The following EPB41L4B variants were observed in gnomAD, a reference collection of about 807,000 sequenced individuals.
The protein encoded by EPB41L4B is erythrocyte membrane protein band 4.1 like 4B, also known as band 4.1-like protein 4B.
In EPB41L4B, 30 loss-of-function variants were observed where a neutral mutation model predicts 112.5. The observed-to-expected ratio is 0.27, with a 90% CI of 0.20 to 0.36. The LOEUF (loss-of-function observed/expected upper bound fraction) is 0.36, where lower values mean the gene tolerates loss of function less well. Ranked by LOEUF, EPB41L4B falls within the 10% of genes least tolerant of loss-of-function variation. EPB41L4B has a pLI of 1.00. For missense variants in EPB41L4B, 1,024 were observed against 1,133.3 expected, an observed-to-expected ratio of 0.90 and a Z score of 1.38; for synonymous variants, 408 against 439.7, an observed-to-expected ratio of 0.93 and a Z score of 0.90.
Position 109,239,900 on chromosome 9 carries a change from C to A in EPB41L4B, c.1409+3718G>T. 3 of 985,514 alleles carry A rather than the reference C, an allele frequency of 3.0e-6. No individual in the cohort carries two copies. The South Asian group carries it at 1.4e-4, about 46-fold the overall frequency. 61.0% of individuals were successfully genotyped at this position (985,514 alleles called of 1,614,324 possible). On this transcript the variant is annotated intron_variant, in intron 15 of 25. Transcript: ENST00000374566. ...GAAATCCCACTGCCACCACTTCTCT[C>A]TACTCAGCACCTGTGACAGGCAGGA...
intron 12 of EPB41L4B, among the ~76,000 whole-genome samples, chr9:109,251,939 G>A (rs774477437): frequency 8.5e-5 from 13 of 152,252 alleles, no homozygotes; most frequent in Admixed American, 2.6e-4. Flanking sequence ...TGGGAATGAG[G>A]TACAGCTTAG....
intron 6 of EPB41L4B, among the ~76,000 whole-genome samples, chr9:109,261,690 T>C (rs1835208927): frequency 6.6e-6 from 1 of 152,234 alleles, no homozygotes; most frequent in African/African-American, 2.4e-5. Context: ...TCAAAACTCA[T>C]AGCTAGAAAT....
intron 1 of EPB41L4B, among the ~76,000 whole-genome samples, chr9:109,288,546 C>T (rs1836389849): frequency 6.6e-6 from 1 of 151,778 alleles, no homozygotes; most frequent in Admixed American, 6.6e-5. Flanking sequence ...CGGTGAAACC[C>T]TGTTTCTACT....
intron 2 of EPB41L4B, among the ~76,000 whole-genome samples, chr9:109,278,175 T>C (rs1835907512): frequency 6.6e-6 from 1 of 152,086 alleles, no homozygotes; most frequent in Non-Finnish European, 1.5e-5. Flanking sequence ...TGTTCTGCCC[T>C]TCTCCCGGGT....
chr9:109,255,974 T>C, intron 9 of EPB41L4B, 131 bp from the exon 10 acceptor site: 1 of 1,214,982 alleles, frequency 8.2e-7, no homozygotes, highest in Non-Finnish European at 1.1e-6. Context: ...AGTGTGATTA[T>C]CCAGAAGTTT....
At position 109,321,027 on chromosome 9, in the gene EPB41L4B, G is replaced by A; in HGVS notation, c.-581C>T. ...ACCTCCAGCCGCCGCCGCCGCCGCC[G>A]CCGCCGCTGCCGCCGGGACTGCAGC... On this transcript the variant is annotated 5_prime_UTR_variant, in exon 1 of 26. Coordinates refer to ENST00000374566, the MANE Select transcript of EPB41L4B (RefSeq NM_019114.5). 2 of 188,976 alleles carry A rather than the reference G, an allele frequency of 1.1e-5. No homozygotes were observed. Among genetic ancestry groups the A allele is most frequent in the Non-Finnish European group, 2.1e-5 (2 of 94,062 alleles). 11.7% of individuals were successfully genotyped at this position (188,976 alleles called of 1,614,324 possible).
At chr9:109,179,999 C>T (rs1831995119) in intron 24 of EPB41L4B, among the ~76,000 whole-genome samples, 2 of 152,132 alleles carry the variant, frequency 1.3e-5, no homozygotes, top group Non-Finnish European at 1.5e-5. Flanking sequence ...TCCTGTTGCT[C>T]GTAGGATGGA....
chr9:109,215,182 CT>C (rs1462478286), intron 16 of EPB41L4B, among the ~76,000 whole-genome samples: 1 of 152,236 alleles, frequency 6.6e-6, no homozygotes, highest in East Asian at 1.9e-4. Context: ...TCAATACCCT[CT>C]ACCCTATTTC....
chr9:109,298,460 C>T (rs1432734298), intron 1 of EPB41L4B, among the ~76,000 whole-genome samples: 1 of 151,964 alleles, frequency 6.6e-6, no homozygotes, highest in Non-Finnish European at 1.5e-5. Flanking sequence ...ATTACAGGCG[C>T]CTGCCACCAC....
At chr9:109,316,541 T>C (rs1194995005) in intron 1 of EPB41L4B, among the ~76,000 whole-genome samples, 1 of 152,162 alleles carries the variant, frequency 6.6e-6, no homozygotes, top group African/African-American at 2.4e-5. Context: ...TGCCCTGCTC[T>C]GACCAGACCA....
intron 15 of EPB41L4B, among the ~76,000 whole-genome samples, chr9:109,238,121 C>G (rs1416509073): frequency 1.3e-5 from 2 of 152,158 alleles, no homozygotes; most frequent in East Asian, 3.8e-4. Context: ...CTATGAAAAA[C>G]AGGATACTAC....
chr9:109,289,149 T>C (rs1836425156), intron 1 of EPB41L4B, among the ~76,000 whole-genome samples: 1 of 152,162 alleles, frequency 6.6e-6, no homozygotes, highest in Non-Finnish European at 1.5e-5. Context: ...CTCAGCCTGG[T>C]GTCAGGGACT....
intron 13 of EPB41L4B, among the ~76,000 whole-genome samples, chr9:109,249,901 G>A (rs1186281266): frequency 6.6e-6 from 1 of 152,162 alleles, no homozygotes; most frequent in Non-Finnish European, 1.5e-5. Flanking sequence ...GCAGAATGAC[G>A]CTGAAAGTAG....
intron 5 of EPB41L4B, among the ~76,000 whole-genome samples, chr9:109,264,286 T>C (rs1270820394): frequency 6.6e-6 from 1 of 152,250 alleles, no homozygotes; most frequent in Non-Finnish European, 1.5e-5. Flanking sequence ...TCAGAACGTA[T>C]TCTTTTCAAT....
At chr9:109,310,611 A>G (rs1410619191) in intron 1 of EPB41L4B, among the ~76,000 whole-genome samples, 1 of 152,224 alleles carries the variant, frequency 6.6e-6, no homozygotes. Flanking sequence ...CACACCCCCA[A>G]ACGAAGCCCA....
intron 15 of EPB41L4B, among the ~76,000 whole-genome samples, chr9:109,223,308 T>A (rs1036860744): frequency 6.6e-6 from 1 of 151,884 alleles, no homozygotes; most frequent in Non-Finnish European, 1.5e-5. Context: ...TGGTGGCACA[T>A]ACTGTGGTCC....
intron 11 of EPB41L4B, among the ~76,000 whole-genome samples, chr9:109,253,758 T>C (rs1207087598): frequency 6.6e-6 from 1 of 152,208 alleles, no homozygotes; most frequent in Admixed American, 6.5e-5. Context: ...GGGGCAGATA[T>C]TTCCACCAAA....
intron 12 of EPB41L4B, among the ~76,000 whole-genome samples, chr9:109,252,898 T>C (rs1395362780): frequency 6.6e-6 from 1 of 152,066 alleles, no homozygotes; most frequent in Non-Finnish European, 1.5e-5. Context: ...AGGCCCCAGC[T>C]GTAACTGATG....
chr9:109,213,852 G>A (rs1287378043), intron 16 of EPB41L4B, 34 bp from the exon 17 acceptor site: 1 of 1,588,308 alleles, frequency 6.3e-7, no homozygotes, highest in Non-Finnish European at 8.6e-7. Context: ...AATAAGGAAA[G>A]GTTGAAAGGA....
Sources: gnomAD v4.1 joint callset for allele counts (sites outside exome capture counted in the v4.1 genomes callset) on GRCh38, gnomAD v4.1.1 for gene constraint, MANE v1.5 for transcripts, NCBI Gene and HGNC (gene_info 2026-07-23, HGNC 2026-07-21) for gene names.